SIPA1L1: variants seen among roughly 807,000 people sequenced by gnomAD.
SIPA1L1 encodes the protein signal induced proliferation associated 1 like 1, also known as signal-induced proliferation-associated 1-like protein 1.
In SIPA1L1, 26 loss-of-function variants were observed where a neutral mutation model predicts 162.7. The ratio of observed to expected loss-of-function variants is 0.16; its 90% CI spans 0.12 to 0.22. The LOEUF (loss-of-function observed/expected upper bound fraction) is 0.22. SIPA1L1 is among the 10% of genes least tolerant of loss of function. The pLI, the probability that SIPA1L1 is intolerant of heterozygous loss-of-function variation, is 1.00. For synonymous variants in SIPA1L1, 829 were observed against 837.4 expected (o/e 0.99, Z 0.17); for missense variants, 1,874 against 2,241.0 (o/e 0.84, Z 3.31).
chr14:71,630,864 A>T (rs1177184618), intron 7 of SIPA1L1, among the ~76,000 whole-genome samples: 1 of 151,176 alleles, frequency 6.6e-6, no homozygotes, highest in East Asian at 1.9e-4. Context: ...CCTTTCTTTT[A>T]TATATTATAT....
At chr14:71,522,102 A>C (rs1018714288) in intron 3 of SIPA1L1, among the ~76,000 whole-genome samples, 2 of 152,196 alleles carry the variant, frequency 1.3e-5, no homozygotes, top group African/African-American at 2.4e-5. Context: ...ATCTCTAGCT[A>C]TATAATTCTG....
chr14:71,465,066 G>A (rs999465881), intron 2 of SIPA1L1, among the ~76,000 whole-genome samples: 3 of 152,210 alleles, frequency 2.0e-5, no homozygotes, highest in African/African-American at 7.2e-5. Context: ...TCCAGGTGGG[G>A]ATGTTGCCGC....
chr14:71,704,049 TA>T (rs1407913373), intron 15 of SIPA1L1, among the ~76,000 whole-genome samples: 1 of 152,202 alleles, frequency 6.6e-6, no homozygotes, highest in Non-Finnish European at 1.5e-5. Context: ...GCCTTTTCAC[TA>T]CAGTACAAGA....
chr14:71,479,336 G>GGTAGGTATGTAT (rs145070704), intron 2 of SIPA1L1, among the ~76,000 whole-genome samples: 55 of 148,330 alleles, frequency 3.7e-4, no homozygotes, highest in African/African-American at 1.3e-3. Flanking sequence ...TGTGTATGTA[G>GGTAGGTATGTAT]GTATGTATGT....
chr14:71,389,909 C>T (rs769376330), intron 2 of SIPA1L1, among the ~76,000 whole-genome samples: 1 of 152,196 alleles, frequency 6.6e-6, no homozygotes, highest in Non-Finnish European at 1.5e-5. Flanking sequence ...AGTGCATTCG[C>T]TGGTACTAGT....
At chr14:71,541,629 C>T (rs956259024) in intron 4 of SIPA1L1, among the ~76,000 whole-genome samples, 1 of 151,960 alleles carries the variant, frequency 6.6e-6, no homozygotes, top group Non-Finnish European at 1.5e-5. Context: ...AAAAATTAGC[C>T]GGGCATGTTG....
intron 17 of SIPA1L1, among the ~76,000 whole-genome samples, chr14:71,719,694 T>C (rs923915476): frequency 2.6e-4 from 39 of 152,176 alleles, no homozygotes; most frequent in African/African-American, 8.2e-4. Flanking sequence ...GGTTTCATCA[T>C]GTTGGCCAGG....
intron 2 of SIPA1L1, among the ~76,000 whole-genome samples, chr14:71,439,839 C>T (rs2044692967): frequency 6.6e-6 from 1 of 152,110 alleles, no homozygotes; most frequent in Admixed American, 6.6e-5. Context: ...AACTTTGGGT[C>T]TTAGAGGTGA....
At chr14:71,612,566 A>G (rs2038352300) in intron 5 of SIPA1L1, among the ~76,000 whole-genome samples, 1 of 152,204 alleles carries the variant, frequency 6.6e-6, no homozygotes, top group Non-Finnish European at 1.5e-5. Context: ...ATTATGCTAT[A>G]GATGTCCTCA....
At chr14:71,620,773 C>G (rs2039349353) in intron 6 of SIPA1L1, among the ~76,000 whole-genome samples, 2 of 152,174 alleles carry the variant, frequency 1.3e-5, no homozygotes, top group Non-Finnish European at 2.9e-5. Context: ...CCTTTCCCAC[C>G]TCTTTTCTTT....
chr14:71,476,653 A>T (rs937953234), intron 2 of SIPA1L1, among the ~76,000 whole-genome samples: 3 of 69,570 alleles, frequency 4.3e-5, no homozygotes, highest in African/African-American at 1.0e-4. Context: ...TGTTCGTTTT[A>T]TTTATTTATT....
At chr14:71,509,107 G>C (rs1262918656) in intron 2 of SIPA1L1, among the ~76,000 whole-genome samples, 1 of 152,126 alleles carries the variant, frequency 6.6e-6, no homozygotes, top group Non-Finnish European at 1.5e-5. Flanking sequence ...CCTCTTACTT[G>C]TAACGAGTTA....
At chr14:71,450,572 G>A (rs1168150062) in intron 2 of SIPA1L1, among the ~76,000 whole-genome samples, 2 of 151,902 alleles carry the variant, frequency 1.3e-5, no homozygotes, top group African/African-American at 4.8e-5. Context: ...ATTCAACTTC[G>A]GAGCCATAAA....
chr14:71,440,059 C>T (rs2044709990), intron 2 of SIPA1L1, among the ~76,000 whole-genome samples: 1 of 152,166 alleles, frequency 6.6e-6, no homozygotes, highest in South Asian at 2.1e-4. Flanking sequence ...GAGACAGAGT[C>T]TTACTGTGTT....
chr14:71,420,055 G>A (rs2043074342), intron 2 of SIPA1L1, among the ~76,000 whole-genome samples: 1 of 152,120 alleles, frequency 6.6e-6, no homozygotes, highest in Admixed American at 6.5e-5. Context: ...AGCTTTTGTA[G>A]TTATAAGGTA....
chr14:71,635,652 G>T (rs1421692971), intron 7 of SIPA1L1, among the ~76,000 whole-genome samples: 1 of 152,050 alleles, frequency 6.6e-6, no homozygotes, highest in Non-Finnish European at 1.5e-5. Flanking sequence ...AATCAGAAAA[G>T]AATTCTAAAG....
intron 13 of SIPA1L1, among the ~76,000 whole-genome samples, chr14:71,691,058 C>T (rs2081219247): frequency 6.6e-6 from 1 of 152,164 alleles, no homozygotes; most frequent in Admixed American, 6.5e-5. Context: ...ATCAACTTCC[C>T]CTCAGCACTA....
intron 2 of SIPA1L1, among the ~76,000 whole-genome samples, chr14:71,396,939 T>A (rs180973369): frequency 6.6e-6 from 1 of 152,240 alleles, no homozygotes; most frequent in Non-Finnish European, 1.5e-5. Flanking sequence ...GAATATCTTA[T>A]ATTTTTTGAC....
In SIPA1L1 at chr14:71,588,067, A is replaced by G. The variant is rs756408944; in HGVS notation, c.195A>G (p.Ile65Met). The change falls in exon 5 of 24, where the codon ATA (isoleucine) becomes ATG (methionine). Residue 65 changes from isoleucine to methionine, a missense_variant. Ile to Met is a conservative substitution (Grantham distance 10). Around this residue, in one of 5 missense-constraint regions of SIPA1L1, gnomAD observed 685 missense variants for 828.0 expected, o/e 0.83. Coordinates refer to ENST00000381232, the MANE Select transcript of SIPA1L1 (RefSeq NM_001386936.1). The surrounding 1 kb of genome is among the most constrained non-coding windows in gnomAD (Gnocchi z 4.3). ...CCCGAAGTGAAGGTTCTCACCATAT[A>G]ACCTCAACCCCCGGAGTCCCAAAAA... ...GPPRSEGSHH[I>M]TSTPGVPKMG... The G allele has an allele frequency of 3.4e-5, 55 of 1,613,998 alleles. No individual in the cohort carries two copies. The highest frequency in any genetic ancestry group is 5.0e-5 in the Admixed American group (3 of 59,992).
Sources: allele counts gnomAD v4.1 joint callset (sites outside exome capture counted in the v4.1 genomes callset), GRCh38; gene constraint gnomAD v4.1.1; regional missense constraint gnomAD v4.1.1; non-coding constraint Gnocchi (gnomAD v3.1); transcripts MANE v1.5; gene names NCBI Gene and HGNC (gene_info 2026-07-23, HGNC 2026-07-21).